ASIC2: variants seen among roughly 807,000 people sequenced by gnomAD.
ASIC2 encodes acid-sensing ion channel 2.
In ASIC2, 25 loss-of-function variants were observed where a neutral mutation model predicts 57.3. The observed-to-expected ratio is 0.44, with a 90% CI of 0.32 to 0.61. ASIC2 has a LOEUF of 0.61. Among genes scored for constraint, ASIC2 ranks in the 20% least tolerant of loss-of-function variants. ASIC2 has a pLI of 0.06. For missense variants in ASIC2, 641 were observed against 738.1 expected, an observed-to-expected ratio of 0.87 and a Z score of 1.52; for synonymous variants, 319 against 307.5, an observed-to-expected ratio of 1.04 and a Z score of -0.39.
chr17:33,171,370 G>A (rs534843770), intron 1 of ASIC2, among the ~76,000 whole-genome samples: 1 of 152,248 alleles, frequency 6.6e-6, no homozygotes, highest in African/African-American at 2.4e-5. Flanking sequence ...AACTCAACAT[G>A]TCCACACTTG....
At chr17:33,081,750 G>A (rs559864603) in intron 3 of ASIC2, among the ~76,000 whole-genome samples, 3 of 152,276 alleles carry the variant, frequency 2.0e-5, no homozygotes, top group East Asian at 3.9e-4. Flanking sequence ...AAGCTGCTGG[G>A]CCTTTTTATT....
At chr17:33,481,851 C>T (rs148342310) in intron 1 of ASIC2, among the ~76,000 whole-genome samples, 1 of 152,212 alleles carries the variant, frequency 6.6e-6, no homozygotes, top group Non-Finnish European at 1.5e-5. Context: ...CCCATCCATG[C>T]CTCCATCCCC....
intron 5 of ASIC2, among the ~76,000 whole-genome samples, chr17:33,024,539 C>T (rs1468705882): frequency 6.6e-6 from 1 of 152,186 alleles, no homozygotes; most frequent in Non-Finnish European, 1.5e-5. Context: ...CCTCTCCTCT[C>T]TTCTTCCAAT....
intron 1 of ASIC2, among the ~76,000 whole-genome samples, chr17:34,018,901 C>G (rs192054880): frequency 2.0e-3 from 298 of 151,794 alleles, no homozygotes; most frequent in Non-Finnish European, 3.3e-3. Flanking sequence ...AATAAAGTGA[C>G]TTCTTTTTGT....
Position 33,380,245 on chromosome 17 carries a change from C to CAAA in ASIC2, c.556-268181_556-268179dup, listed in dbSNP as rs10586872. Among the ~76,000 whole-genome samples, 403 of 70,756 alleles carry CAAA rather than the reference C, an allele frequency of 5.7e-3. 7 individuals are homozygous for CAAA. Among genetic ancestry groups the CAAA allele is most frequent in the East Asian group, 0.013 (27 of 2,064 alleles). 46.4% of individuals were successfully genotyped at this position (70,756 alleles called of 152,430 possible). On this transcript the variant is annotated intron_variant, in intron 1 of 9. Transcript: ENST00000359872. ...CAAGCAACAGAGGGAAACCCTGTCT[C>CAAA]AAAAAAAAAAAAAAAAAAAAAAAGA...
chr17:33,324,791 A>G (rs1470350754), intron 1 of ASIC2, among the ~76,000 whole-genome samples: 1 of 152,154 alleles, frequency 6.6e-6, no homozygotes, highest in Non-Finnish European at 1.5e-5. Context: ...AAAGAAAAAA[A>G]CCATGGGAAA....
intron 1 of ASIC2, among the ~76,000 whole-genome samples, chr17:33,243,015 A>G (rs530983858): frequency 6.6e-5 from 10 of 152,058 alleles, no homozygotes; most frequent in Non-Finnish European, 1.3e-4. Flanking sequence ...GGCCAGATGG[A>G]CATGATCCAC....
At chr17:33,744,253 C>G (rs772426862) in intron 1 of ASIC2, among the ~76,000 whole-genome samples, 10 of 152,230 alleles carry the variant, frequency 6.6e-5, no homozygotes, top group African/African-American at 9.6e-5. Context: ...GTCTCAAAAA[C>G]TACCCCTTTT....
intron 1 of ASIC2, among the ~76,000 whole-genome samples, chr17:33,118,490 T>C (rs1005381018): frequency 2.6e-5 from 4 of 152,144 alleles, no homozygotes; most frequent in Admixed American, 6.5e-5. Context: ...CCATCCCTCA[T>C]AGCCACGGCT....
At chr17:33,479,701 G>C (rs1302858123) in intron 1 of ASIC2, among the ~76,000 whole-genome samples, 2 of 152,200 alleles carry the variant, frequency 1.3e-5, no homozygotes, top group Non-Finnish European at 2.9e-5. Flanking sequence ...TGCCCAGCTG[G>C]ATGGTGTAGG....
At chr17:33,462,251 C>A (rs971961710) in intron 1 of ASIC2, among the ~76,000 whole-genome samples, 2 of 152,170 alleles carry the variant, frequency 1.3e-5, no homozygotes, top group Non-Finnish European at 2.9e-5. Context: ...ATAGAACCTA[C>A]AAGGTTTTAG....
intron 1 of ASIC2, among the ~76,000 whole-genome samples, chr17:34,098,722 T>C (rs940757070): frequency 1.3e-5 from 2 of 152,186 alleles, no homozygotes; most frequent in African/African-American, 4.8e-5. Flanking sequence ...AGGGTGAGAC[T>C]GTATATGAAC....
At chr17:33,287,595 A>G (rs548781717) in intron 1 of ASIC2, among the ~76,000 whole-genome samples, 1 of 152,324 alleles carries the variant, frequency 6.6e-6, no homozygotes, top group South Asian at 2.1e-4. Context: ...CTGACTGCTG[A>G]GAGATTAACT....
At chr17:33,335,232 C>T (rs184466082) in intron 1 of ASIC2, among the ~76,000 whole-genome samples, 9 of 152,284 alleles carry the variant, frequency 5.9e-5, no homozygotes, top group Non-Finnish European at 1.0e-4. Flanking sequence ...GCTCCCAGTC[C>T]ACTGAAAGCT....
intron 1 of ASIC2, among the ~76,000 whole-genome samples, chr17:34,116,204 G>A (rs1911420156): frequency 6.6e-6 from 1 of 152,172 alleles, no homozygotes; most frequent in African/African-American, 2.4e-5. Context: ...GATTACAGTT[G>A]CATTGACCTG....
intron 1 of ASIC2, among the ~76,000 whole-genome samples, chr17:34,105,068 C>T (rs781610992): frequency 6.6e-6 from 1 of 151,944 alleles, no homozygotes; most frequent in Non-Finnish European, 1.5e-5. Context: ...GCACTGGAAC[C>T]AAGAGTTTAT....
At chr17:34,014,325 G>A (rs1031642552) in intron 1 of ASIC2, among the ~76,000 whole-genome samples, 1 of 152,192 alleles carries the variant, frequency 6.6e-6, no homozygotes, top group African/African-American at 2.4e-5. Flanking sequence ...TGTGAAACCA[G>A]GTGGTTTGGC....
rs73983946 is a variant in ASIC2, at chr17:33,524,864, C to T, written c.556-412797G>A. Among the ~76,000 whole-genome samples, 1,206 of 152,232 alleles carry T rather than the reference C, an allele frequency of 7.9e-3. 12 individuals are homozygous for T. Among genetic ancestry groups the T allele is most frequent in the African/African-American group, 0.023 (972 of 41,540 alleles). ...TAGAGACTACAGGTGCACATTACAG[C>T]GCTGGGCTTCCTCCCAGATGTATTT... On this transcript the variant is annotated intron_variant, in intron 1 of 9. Coordinates refer to the ASIC2 transcript ENST00000359872.
intron 1 of ASIC2, among the ~76,000 whole-genome samples, chr17:33,584,750 C>G (rs568275294): frequency 6.6e-6 from 1 of 152,190 alleles, no homozygotes; most frequent in East Asian, 1.9e-4. Context: ...AGTGACCCCT[C>G]CTGCCTAGGC....
Sources: gnomAD v4.1 joint callset for allele counts (sites outside exome capture counted in the v4.1 genomes callset) on GRCh38, gnomAD v4.1.1 for gene constraint, MANE v1.5 for transcripts, NCBI Gene and HGNC (gene_info 2026-07-23, HGNC 2026-07-21) for gene names.